ILDR1: variants seen among roughly 807,000 people sequenced by gnomAD.
ILDR1 encodes the protein immunoglobulin-like domain-containing receptor 1.
A neutral mutation model predicts 62.4 loss-of-function variants in ILDR1; 56 were observed. The observed-to-expected ratio is 0.90, with a 90% CI of 0.72 to 1.12. ILDR1 has a LOEUF of 1.12. ILDR1 is among the 50% of genes most tolerant of loss of function. The pLI is 0.00. For missense variants in ILDR1, 736 were observed against 710.6 expected (o/e 1.04, Z -0.41); for synonymous variants, 284 against 277.8 (o/e 1.02, Z -0.22).
Position 122,001,668 on chromosome 3 carries a change from T to G in ILDR1, c.499+77A>C, listed in dbSNP as rs1204379198. On this transcript the variant is annotated intron_variant, in intron 4 of 7. Transcript: ENST00000344209. Reference sequence around the variant, plus strand: ...AGAACTTAGGCTTGCTTATTTCTGGTTTTTTTTTTTTTTTCCTGTGAGTAA... The same window carrying G: ...AGAACTTAGGCTTGCTTATTTCTGGGTTTTTTTTTTTTTTCCTGTGAGTAA... 2.3e-4 allele frequency: 34 copies of G among 145,768 alleles called. No individual in the cohort carries two copies. In the East Asian group the frequency reaches 0.013, roughly 56 times the overall value. 9.0% of individuals were successfully genotyped at this position (145,768 alleles called of 1,614,324 possible).
Position 122,022,034 on chromosome 3 carries a change from G to T in ILDR1, c.44C>A (p.Thr15Asn). 3.1e-6 allele frequency: 5 copies of T among 1,611,624 alleles called. No individual in the cohort carries two copies. The highest frequency in any genetic ancestry group is 3.4e-6 in the Non-Finnish European group (4 of 1,179,014). The change falls in exon 1 of 8, where the codon ACC (threonine) becomes AAC (asparagine). Residue 15 changes from threonine (T) to asparagine (N), a missense_variant. Coordinates refer to ENST00000344209, the MANE Select transcript of ILDR1 (RefSeq NM_001199799.2). ...CCAAGGCTCACCTGCTGGGAGCCAG[G>T]TGCAGAGCAGCAGCCAAGGTGCGGG... ...KLPAPWLLLC[T>N]WLPAGCLSLL...
the ILDR1 span, among the ~76,000 whole-genome samples, chr3:122,030,569 T>C: frequency 2.6e-5 from 4 of 151,898 alleles, no homozygotes; most frequent in African/African-American, 9.7e-5. Flanking sequence ...GTTTTAATGG[T>C]TTCCCTTTCA....
chr3:122,034,601 G>GT, the ILDR1 span, among the ~76,000 whole-genome samples: 1 of 152,216 alleles, frequency 6.6e-6, no homozygotes, highest in Non-Finnish European at 1.5e-5. Flanking sequence ...GTGTAATACA[G>GT]TAAACCCCTT....
At chr3:122,037,090 G>A in the ILDR1 span, among the ~76,000 whole-genome samples, 1 of 152,258 alleles carries the variant, frequency 6.6e-6, no homozygotes, top group Non-Finnish European at 1.5e-5. Context: ...GGATGTTCAG[G>A]CAGAAGTCTG....
chr3:122,027,571 G>A, the ILDR1 span, among the ~76,000 whole-genome samples: 3 of 152,084 alleles, frequency 2.0e-5, no homozygotes, highest in Admixed American at 6.5e-5. Flanking sequence ...CATTAAGGAT[G>A]ACAATTCTTC....
At position 122,005,225 on chromosome 3, in the gene ILDR1, A is replaced by G; in HGVS notation, c.379+19T>C. On this transcript the variant is annotated intron_variant, in intron 3 of 7. Coordinates refer to ENST00000344209, the MANE Select transcript of ILDR1 (RefSeq NM_001199799.2). ...CCTCCCCCCACCCCCAGTTCCCCTG[A>G]CACCTCCCCCGCACTCACGGTTCTG... 5.8e-6 allele frequency: 6 copies of G among 1,028,578 alleles called. No individual in the cohort carries two copies. The highest frequency in any genetic ancestry group is 7.2e-6 in the Non-Finnish European group (5 of 694,120). 63.7% of individuals were successfully genotyped at this position (1,028,578 alleles called of 1,614,324 possible). A position where few individuals can be genotyped will look rare whatever the true frequency, so the allele number is the denominator to read the frequency against.
intron 7 of ILDR1, among the ~76,000 whole-genome samples, chr3:121,991,164 C>T (rs1576712203): frequency 1.3e-5 from 2 of 152,018 alleles, no homozygotes; most frequent in Non-Finnish European, 2.9e-5. Flanking sequence ...TGCACCACTG[C>T]CCTCCAGCCT....
chr3:122,020,496 A>G (rs946166667), intron 1 of ILDR1, among the ~76,000 whole-genome samples: 19 of 152,356 alleles, frequency 1.2e-4, no homozygotes, highest in Middle Eastern at 3.4e-3. Context: ...TCAATTTCTC[A>G]TCTATAAAGT....
chr3:122,045,212 A>G, the ILDR1 span, among the ~76,000 whole-genome samples: 2,133 of 149,720 alleles, frequency 0.014, 18 homozygotes, highest in Middle Eastern at 0.042. Flanking sequence ...TTCAGTTTCC[A>G]TGTAGTTGAG....
chr3:122,041,382 T>A, the ILDR1 span, among the ~76,000 whole-genome samples: 1 of 152,204 alleles, frequency 6.6e-6, no homozygotes, highest in East Asian at 1.9e-4. Context: ...CTTGCCCTTC[T>A]GCCTTCTGCC....
At chr3:122,044,764 TC>T in the ILDR1 span, among the ~76,000 whole-genome samples, 1 of 152,098 alleles carries the variant, frequency 6.6e-6, no homozygotes, top group African/African-American at 2.4e-5. Flanking sequence ...GGTGGTGATA[TC>T]CCCTTTATCA....
chr3:122,038,719 T>TATATCATATAATAA, the ILDR1 span, among the ~76,000 whole-genome samples: 2 of 152,144 alleles, frequency 1.3e-5, no homozygotes. Context: ...CTATAATTAA[T>TATATCATATAATAA]ATATCAAATG....
In ILDR1 at chr3:121,995,088, C is replaced by G. The variant is rs894038294; in HGVS notation, c.647-775G>C. 3.3e-5 allele frequency among the ~76,000 whole-genome samples: 5 copies of G among 152,334 alleles called. No individual in the cohort carries two copies. In the East Asian group the frequency reaches 9.6e-4, roughly 29 times the overall value. On this transcript the variant is annotated intron_variant, in intron 5 of 7. Coordinates refer to ENST00000344209, the MANE Select transcript of ILDR1 (RefSeq NM_001199799.2). ...GCAAGGGATCCATAAAAATGTCACT[C>G]CAGCCCCTTAGGTGGGGCTGGTCTG...
intron 1 of ILDR1, among the ~76,000 whole-genome samples, chr3:122,010,935 T>G (rs2071693830): frequency 2.0e-5 from 3 of 152,184 alleles, no homozygotes; most frequent in Admixed American, 2.0e-4. Flanking sequence ...GCTTGGAAAT[T>G]TAAGGGACTT....
chr3:122,022,391 C>G (rs1368530560), upstream of ILDR1: 1 of 334,968 alleles, frequency 3.0e-6, no homozygotes, highest in Non-Finnish European at 5.4e-6. Context: ...CACCGTCCCC[C>G]ACCCCGCTGA....
chr3:122,009,759 G>A (rs755805192), intron 1 of ILDR1, among the ~76,000 whole-genome samples: 1 of 152,222 alleles, frequency 6.6e-6, no homozygotes, highest in African/African-American at 2.4e-5. Flanking sequence ...TGTCTTGAAC[G>A]CTAGAGCACA....
At chr3:122,039,313 C>T in the ILDR1 span, among the ~76,000 whole-genome samples, 35 of 151,952 alleles carry the variant, frequency 2.3e-4, no homozygotes, top group Middle Eastern at 0.027. Flanking sequence ...CTTCTAGGTA[C>T]GTTAGATTCA....
intron 7 of ILDR1, among the ~76,000 whole-genome samples, chr3:121,989,945 G>A (rs1342305818): frequency 5.3e-5 from 8 of 152,310 alleles, no homozygotes; most frequent in Admixed American, 1.3e-4. Flanking sequence ...TTCTCTAAAT[G>A]CCAAATGAAG....
chr3:122,016,367 G>A (rs180721540), intron 1 of ILDR1, among the ~76,000 whole-genome samples: 42 of 152,314 alleles, frequency 2.8e-4, no homozygotes, highest in Non-Finnish European at 3.1e-4. Context: ...CGGGGGCCAG[G>A]GCCATGATGG....
Sources: allele counts gnomAD v4.1 joint callset (sites outside exome capture counted in the v4.1 genomes callset), GRCh38; gene constraint gnomAD v4.1.1; transcripts MANE v1.5; gene names NCBI Gene and HGNC (gene_info 2026-07-23, HGNC 2026-07-21).